Variants in CNTN1 observed in about 807,000 individuals in gnomAD.
CNTN1 encodes contactin-1.
CNTN1 carries 38 observed loss-of-function variants against 126.4 expected under a neutral mutation model. That is an observed-to-expected ratio of 0.30 (90% CI 0.23 to 0.39). CNTN1 has a LOEUF of 0.39. Ranked by LOEUF, CNTN1 falls within the 10% of genes least tolerant of loss-of-function variation. CNTN1 has a pLI of 1.00. For synonymous variants in CNTN1, 413 were observed against 422.6 expected, an observed-to-expected ratio of 0.98 and a Z score of 0.28; for missense variants, 1,009 against 1,248.4, an observed-to-expected ratio of 0.81 and a Z score of 2.89.
intron 1 of CNTN1, 66 bp from the exon 2 acceptor site, chr12:40,908,291 C>G: frequency 1.6e-6 from 1 of 618,834 alleles, no homozygotes; most frequent in Non-Finnish European, 2.9e-6. Flanking sequence ...CTCTCCTCCT[C>G]TCCCCTTCCT....
chr12:40,984,024 C>T (rs536015518), intron 16 of CNTN1, among the ~76,000 whole-genome samples: 5 of 147,846 alleles, frequency 3.4e-5, no homozygotes, highest in African/African-American at 1.2e-4. Context: ...ATATATTACT[C>T]ACACACAGAG....
intron 15 of CNTN1, among the ~76,000 whole-genome samples, chr12:40,979,514 G>A (rs575753261): frequency 6.6e-6 from 1 of 152,098 alleles, no homozygotes; most frequent in South Asian, 2.1e-4. Flanking sequence ...AAATGATGGT[G>A]CTACTTAATA....
In CNTN1 at chr12:40,706,918, A is replaced by G. The variant is rs187603340; in HGVS notation, c.-77+14326A>G. 2.6e-5 allele frequency among the ~76,000 whole-genome samples: 4 copies of G among 152,352 alleles called. No individual in the cohort carries two copies. The East Asian group carries it at 7.7e-4, about 29-fold the overall frequency. On this transcript the variant is annotated intron_variant, in intron 1 of 23. Transcript: ENST00000551295. The stretch of plus-strand genomic sequence containing the variant: ...TCTGATATGGGACCCAGGAATCTGC[A>G]TTTCTAACAGTGTCTCTGTTGCTTC...
chr12:40,856,160 T>C (rs1273825699), intron 1 of CNTN1, among the ~76,000 whole-genome samples: 1 of 151,928 alleles, frequency 6.6e-6, no homozygotes, highest in Non-Finnish European at 1.5e-5. Context: ...AAATGTATCT[T>C]AAGTTAATTA....
At chr12:41,069,463 T>G (rs1950118603) in intron 23 of CNTN1, among the ~76,000 whole-genome samples, 2 of 152,068 alleles carry the variant, frequency 1.3e-5, no homozygotes, top group Admixed American at 1.3e-4. Context: ...TACTTTAAGT[T>G]TTAGGGTACA....
rs1369706362 is a variant in CNTN1, at chr12:40,882,403, A to G, written c.-76-25954A>G. 4.0e-5 allele frequency among the ~76,000 whole-genome samples: 6 copies of G among 151,892 alleles called. No homozygotes were observed. The East Asian group carries it at 1.2e-3, about 29-fold the overall frequency. ...GAAACATGTGTCATTAACAAAAATA[A>G]AAGTAGATGATTTGAAAGTCATTCC... On this transcript the variant is annotated intron_variant, in intron 1 of 23. Transcript: ENST00000551295.
chr12:40,699,079 C>CCCATGGTAA (rs113378954), intron 1 of CNTN1, among the ~76,000 whole-genome samples: 131,935 of 151,694 alleles, frequency 0.87, 57,514 homozygotes, highest in East Asian at 1. Flanking sequence ...AATTTTGACT[C>CCCATGGTAA]CCTGTGGATA....
chr12:41,016,520 GT>G (rs1948784198), intron 18 of CNTN1, among the ~76,000 whole-genome samples, 161 bp from the exon 19 acceptor site: 1 of 152,134 alleles, frequency 6.6e-6, no homozygotes, highest in Admixed American at 6.5e-5. Context: ...ATCATCCCAT[GT>G]TTAAGTATGT....
chr12:40,727,125 C>T (rs566946727), intron 1 of CNTN1, among the ~76,000 whole-genome samples: 40 of 149,750 alleles, frequency 2.7e-4, no homozygotes, highest in Non-Finnish European at 3.7e-4. Flanking sequence ...TTTTAAAATG[C>T]GTGATACACT....
chr12:40,797,011 C>G (rs113243994), intron 1 of CNTN1, among the ~76,000 whole-genome samples: 1 of 152,070 alleles, frequency 6.6e-6, no homozygotes, highest in African/African-American at 2.4e-5. Flanking sequence ...ATTAGTTCAA[C>G]CCTCTCACAG....
At chr12:40,854,557 G>C (rs1555169179) in intron 1 of CNTN1, among the ~76,000 whole-genome samples, 1 of 151,480 alleles carries the variant, frequency 6.6e-6, no homozygotes, top group South Asian at 2.1e-4. Context: ...AATAAGAAAA[G>C]AAAAAAAAGA....
rs139157013 is a variant in CNTN1, at chr12:40,871,409, T to G, written c.-76-36948T>G. Among the ~76,000 whole-genome samples the G allele has an allele frequency of 3.0e-3, 459 of 152,190 alleles. 4 individuals are homozygous for G. The highest frequency in any genetic ancestry group is 0.01 in the African/African-American group (431 of 41,560). On this transcript the variant is annotated intron_variant, in intron 1 of 23. Coordinates refer to ENST00000551295, the MANE Select transcript of CNTN1 (RefSeq NM_001843.4). ...TAAAAGATCATTCTAAGCAATTTTA[T>G]AGAGAGTAGACTACAGGGAGGTCAG...
intron 1 of CNTN1, among the ~76,000 whole-genome samples, chr12:40,797,781 A>G (rs889015033): frequency 6.6e-6 from 1 of 152,062 alleles, no homozygotes; most frequent in Non-Finnish European, 1.5e-5. Flanking sequence ...GATTCGGTAT[A>G]TAGTTATGCA....
chr12:40,750,860 T>A (rs144023394), intron 1 of CNTN1, among the ~76,000 whole-genome samples: 1 of 152,034 alleles, frequency 6.6e-6, no homozygotes, highest in Non-Finnish European at 1.5e-5. Flanking sequence ...GGAGATGAAG[T>A]CTAGAGATAG....
rs185129141 is a variant in CNTN1 at position 40,859,108 on chromosome 12, G to A, written c.-76-49249G>A. Among the ~76,000 whole-genome samples, 210 of 152,000 alleles carry A rather than the reference G, an allele frequency of 1.4e-3. 2 individuals are homozygous for A. Among genetic ancestry groups the A allele is most frequent in the Admixed American group, 7.6e-3 (116 of 15,226 alleles). ...GTTGACCTATGTAACAGACCTGCAC[G>A]TCCTACACATGTACCCCAGAACTTA... is the stretch of plus-strand genomic sequence containing the variant. On this transcript the variant is annotated intron_variant, in intron 1 of 23. Coordinates refer to ENST00000551295, the MANE Select transcript of CNTN1 (RefSeq NM_001843.4).
chr12:40,898,280 C>T (rs1389021804), intron 1 of CNTN1, among the ~76,000 whole-genome samples: 2 of 152,076 alleles, frequency 1.3e-5, no homozygotes, highest in African/African-American at 4.8e-5. Flanking sequence ...GCTACTGCTA[C>T]AATATGTCTG....
chr12:40,882,792 T>G (rs1350700083), intron 1 of CNTN1, among the ~76,000 whole-genome samples: 2 of 151,756 alleles, frequency 1.3e-5, no homozygotes, highest in African/African-American at 2.4e-5. Flanking sequence ...TTAACATATT[T>G]CATATTTAGT....
At chr12:40,969,455 G>T (rs1028326260) in intron 15 of CNTN1, among the ~76,000 whole-genome samples, 1 of 152,062 alleles carries the variant, frequency 6.6e-6, no homozygotes. Flanking sequence ...TGCAACTGAC[G>T]CTTAGCTAGG....
intron 1 of CNTN1, among the ~76,000 whole-genome samples, chr12:40,728,172 A>G (rs1017867193): frequency 5.9e-5 from 9 of 152,206 alleles, no homozygotes; most frequent in Non-Finnish European, 1.2e-4. Flanking sequence ...GAAGGAGAAA[A>G]CATAATGAAA....
Sources: allele counts gnomAD v4.1 joint callset (sites outside exome capture counted in the v4.1 genomes callset), GRCh38; gene constraint gnomAD v4.1.1; transcripts MANE v1.5; gene names NCBI Gene and HGNC (gene_info 2026-07-23, HGNC 2026-07-21).